Variants in SDK1 observed in about 807,000 individuals in gnomAD.
SDK1 encodes the protein protein sidekick-1.
A neutral mutation model predicts 245.5 loss-of-function variants in SDK1; 157 were observed. That is an observed-to-expected ratio of 0.64 (90% CI 0.56 to 0.73). SDK1 has a LOEUF of 0.73. Ranked by LOEUF, SDK1 falls within the 30% of genes least tolerant of loss-of-function variation. The pLI is 0.00. For synonymous variants in SDK1, 1,647 were observed against 1,278.5 expected (o/e 1.29, Z -6.15); for missense variants, 3,583 against 3,002.3 (o/e 1.19, Z -4.52).
At chr7:3,324,981 C>CA (rs1779906782) in intron 1 of SDK1, among the ~76,000 whole-genome samples, 1 of 152,110 alleles carries the variant, frequency 6.6e-6, no homozygotes, top group African/African-American at 2.4e-5. Context: ...ATTCAAGCCA[C>CA]ATATAGTGTG....
chr7:3,577,908 A>T (rs1780346147), intron 1 of SDK1, among the ~76,000 whole-genome samples: 1 of 151,952 alleles, frequency 6.6e-6, no homozygotes, highest in Admixed American at 6.5e-5. Context: ...TGCATTGCTG[A>T]TGTGGTTTAA....
At chr7:3,473,459 A>G (rs1390657160) in intron 1 of SDK1, among the ~76,000 whole-genome samples, 1 of 152,236 alleles carries the variant, frequency 6.6e-6, no homozygotes, top group Admixed American at 6.5e-5. Context: ...TAGGAATTGT[A>G]TAGCATTTAC....
chr7:3,896,704 T>G (rs1781616861), intron 5 of SDK1, among the ~76,000 whole-genome samples: 1 of 152,186 alleles, frequency 6.6e-6, no homozygotes, highest in Non-Finnish European at 1.5e-5. Flanking sequence ...CAGAAATCGC[T>G]GCTTCACATA....
chr7:4,240,476 C>G (rs1206211223), intron 42 of SDK1, among the ~76,000 whole-genome samples: 1 of 152,106 alleles, frequency 6.6e-6, no homozygotes, highest in African/African-American at 2.4e-5. Context: ...CCCATCATCC[C>G]AAATCCCCTC....
intron 17 of SDK1, among the ~76,000 whole-genome samples, chr7:4,019,642 A>T (rs80125281): frequency 0.024 from 3,638 of 151,516 alleles, 142 homozygotes; most frequent in African/African-American, 0.084. Flanking sequence ...AGTGAACGTT[A>T]GTGGATAATG....
intron 14 of SDK1, among the ~76,000 whole-genome samples, chr7:4,001,953 A>G (rs548020088): frequency 2.0e-5 from 3 of 152,204 alleles, no homozygotes; most frequent in African/African-American, 2.4e-5. Flanking sequence ...GATGTGTTTC[A>G]TGCCTGAATA....
intron 1 of SDK1, among the ~76,000 whole-genome samples, chr7:3,523,143 A>C (rs1782999340): frequency 6.6e-6 from 1 of 152,228 alleles, no homozygotes; most frequent in East Asian, 1.9e-4. Flanking sequence ...TATATTTTTG[A>C]CAAAGCTTGA....
intron 5 of SDK1, among the ~76,000 whole-genome samples, chr7:3,825,310 T>C (rs1434136151): frequency 6.7e-6 from 1 of 148,316 alleles, no homozygotes; most frequent in Non-Finnish European, 1.5e-5. Context: ...AATAAGAGTT[T>C]CTTCCTCTAA....
intron 4 of SDK1, among the ~76,000 whole-genome samples, chr7:3,651,222 C>G (rs1783005690): frequency 6.6e-6 from 1 of 151,706 alleles, no homozygotes; most frequent in South Asian, 2.1e-4. Context: ...TTGCGTTTCC[C>G]TGCTTCCTCA....
chr7:3,912,418 A>G (rs1291237198), intron 5 of SDK1, among the ~76,000 whole-genome samples: 1 of 152,264 alleles, frequency 6.6e-6, no homozygotes, highest in Non-Finnish European at 1.5e-5. Flanking sequence ...TGACCAAATA[A>G]GCAAGTACAA....
intron 34 of SDK1, among the ~76,000 whole-genome samples, chr7:4,177,979 A>G (rs1005966341): frequency 6.8e-6 from 1 of 146,596 alleles, no homozygotes; most frequent in South Asian, 2.4e-4. Flanking sequence ...CATAAGGAGC[A>G]CGCAACCTAG....
intron 14 of SDK1, among the ~76,000 whole-genome samples, chr7:4,008,800 T>A (rs932674269): frequency 6.6e-6 from 1 of 152,202 alleles, no homozygotes; most frequent in Admixed American, 6.5e-5. Flanking sequence ...AGAAACCTCA[T>A]CATATCCCTC....
intron 19 of SDK1, among the ~76,000 whole-genome samples, chr7:4,057,928 C>A (rs1779300128): frequency 6.6e-6 from 1 of 151,988 alleles, no homozygotes; most frequent in Non-Finnish European, 1.5e-5. Context: ...AAAGCAAATC[C>A]AAAAAATTAG....
Position 4,175,835 on chromosome 7 carries a change from G to A in SDK1, c.4996+1G>A, listed in dbSNP as rs200869941. On this transcript the variant is annotated splice_donor_variant, in intron 34 of 44. Transcript: ENST00000404826. LOFTEE classifies it high-confidence loss of function. ...ACATCGACGATGTGTGAACTAACAC[G>A]TAAGTGCGCTCTCAGCGGGAGGCCC... 44 of 1,612,826 alleles carry A rather than the reference G, an allele frequency of 2.7e-5. No individual in the cohort carries two copies. The highest frequency in any genetic ancestry group is 1.9e-4 in the African/African-American group (14 of 75,054).
intron 44 of SDK1, among the ~76,000 whole-genome samples, chr7:4,257,092 A>C (rs1787682834): frequency 6.6e-6 from 1 of 152,200 alleles, no homozygotes; most frequent in African/African-American, 2.4e-5. Flanking sequence ...CGTTCAAATC[A>C]CATGTTAAAG....
intron 4 of SDK1, among the ~76,000 whole-genome samples, chr7:3,734,083 C>T (rs887221876): frequency 6.6e-6 from 1 of 152,210 alleles, no homozygotes; most frequent in African/African-American, 2.4e-5. Flanking sequence ...GCCCAGGCTC[C>T]CCGTGAGATG....
chr7:3,408,202 CA>C (rs1279827792), intron 1 of SDK1, among the ~76,000 whole-genome samples: 3 of 151,796 alleles, frequency 2.0e-5, no homozygotes, highest in African/African-American at 7.3e-5. Context: ...CATGCCTGGC[CA>C]ATTTTTTTTT....
At chr7:3,464,211 T>A (rs1298974174) in intron 1 of SDK1, among the ~76,000 whole-genome samples, 2 of 152,076 alleles carry the variant, frequency 1.3e-5, no homozygotes, top group Admixed American at 1.3e-4. Flanking sequence ...CAGAGTAACT[T>A]TTTTTTCCCC....
intron 1 of SDK1, among the ~76,000 whole-genome samples, chr7:3,355,327 T>C (rs1354753892): frequency 1.3e-5 from 2 of 152,170 alleles, no homozygotes; most frequent in Non-Finnish European, 2.9e-5. Context: ...GCAAATTTAT[T>C]TATTTAGAGA....
Sources: allele counts gnomAD v4.1 joint callset (sites outside exome capture counted in the v4.1 genomes callset), GRCh38; gene constraint gnomAD v4.1.1; transcripts MANE v1.5; gene names NCBI Gene and HGNC (gene_info 2026-07-23, HGNC 2026-07-21).